Variants in FAN1 observed in about 807,000 individuals in gnomAD.
The protein encoded by FAN1 is fanconi-associated nuclease 1.
In FAN1, 91 loss-of-function variants were observed where a neutral mutation model predicts 104.9. The ratio of observed to expected loss-of-function variants is 0.87; its 90% CI spans 0.73 to 1.03. The LOEUF is 1.03. FAN1 is among the 50% of genes least tolerant of loss of function. The probability of loss-of-function intolerance (pLI) is 0.00; values close to 1 mark genes in which losing one functional copy is unlikely to be tolerated. For missense variants in FAN1, 1,263 were observed against 1,239.9 expected (o/e 1.02, Z -0.28); for synonymous variants, 478 against 457.6 (o/e 1.04, Z -0.57).
intron 7 of FAN1, 58 bp from the exon 8 acceptor site, chr15:30,922,177 T>C (rs1429022520): frequency 5.1e-6 from 8 of 1,582,292 alleles, no homozygotes; most frequent in Non-Finnish European, 6.9e-6. Context: ...CTTGTAAATA[T>C]CATTGCAGCT....
intron 13 of FAN1, among the ~76,000 whole-genome samples, chr15:30,934,886 G>A (rs8029490): frequency 0.015 from 2,289 of 152,088 alleles, 56 homozygotes; most frequent in African/African-American, 0.053. Context: ...TTACTTCTAC[G>A]TGTTATATGT....
intron 3 of FAN1, 102 bp from the exon 4 acceptor site, chr15:30,910,512 A>T: frequency 1.5e-6 from 1 of 674,672 alleles, no homozygotes; most frequent in Non-Finnish European, 2.4e-6. Flanking sequence ...CCAACTAATT[A>T]AAATTTTCTT....
chr15:30,915,791 A>G (rs563451635), intron 5 of FAN1, among the ~76,000 whole-genome samples: 2 of 152,334 alleles, frequency 1.3e-5, no homozygotes, highest in South Asian at 4.1e-4. Flanking sequence ...AGGTTTTGAT[A>G]AGAAAGAATA....
In FAN1 at chr15:30,908,727, G is replaced by T. The variant is rs1016896976; in HGVS notation, c.1375+469G>T. Among the ~76,000 whole-genome samples, 5 of 152,188 alleles carry T rather than the reference G, an allele frequency of 3.3e-5. No individual in the cohort carries two copies. In the South Asian group the frequency reaches 1.0e-3, roughly 32 times the overall value. On this transcript the variant is annotated intron_variant, in intron 3 of 14. Coordinates refer to ENST00000362065, the MANE Select transcript of FAN1 (RefSeq NM_014967.5). The stretch of plus-strand genomic sequence containing the variant: ...GTGGTGGCGCATGCCTGTAATCCCA[G>T]CTATTTGGGAGGCTGAGGCAGGAGA...
chr15:30,906,792 T>C (rs2061989932), intron 2 of FAN1, among the ~76,000 whole-genome samples: 1 of 152,236 alleles, frequency 6.6e-6, no homozygotes. Context: ...CAGCTGTGTG[T>C]AGTATCCACT....
At chr15:30,922,417 G>A in intron 8 of FAN1, 63 bp downstream of exon 8, 3 of 1,505,050 alleles carry the variant, frequency 2.0e-6, no homozygotes, top group Non-Finnish European at 2.7e-6. Context: ...TTAAAATATG[G>A]CAAACTTAAT....
intron 13 of FAN1, among the ~76,000 whole-genome samples, chr15:30,931,998 G>A (rs1013555152): frequency 6.6e-6 from 1 of 151,158 alleles, no homozygotes; most frequent in African/African-American, 2.4e-5. Flanking sequence ...AGAGGTGGGC[G>A]GATCACGAGG....
chr15:30,934,060 G>A (rs896608773), intron 13 of FAN1, among the ~76,000 whole-genome samples: 1 of 152,000 alleles, frequency 6.6e-6, no homozygotes, highest in African/African-American at 2.4e-5. Context: ...TTCTTCTTGC[G>A]TTTCTATCAC....
intron 14 of FAN1, 183 bp from the exon 15 acceptor site, chr15:30,941,383 T>G: frequency 5.8e-6 from 9 of 1,538,520 alleles, no homozygotes; most frequent in Non-Finnish European, 7.9e-6. Flanking sequence ...ATAAAGTTAT[T>G]AGAGATTCAA....
chr15:30,927,665 A>T, intron 10 of FAN1: 1 of 985,548 alleles, frequency 1.0e-6, no homozygotes, highest in Non-Finnish European at 1.2e-6. Flanking sequence ...GCATGTCAGG[A>T]TGGGGGTCTG....
At chr15:30,940,242 T>TG (rs1279677809) in intron 14 of FAN1, 2 of 984,916 alleles carry the variant, frequency 2.0e-6, no homozygotes, top group African/African-American at 3.5e-5. Flanking sequence ...ACCGCTACAG[T>TG]GGTAGGTAGG....
chr15:30,905,294 CAAAAAG>C lies in FAN1; in HGVS notation c.636_641del (p.Lys212_Glu213del). 1 of 1,613,850 alleles carries C rather than the reference CAAAAAG, an allele frequency of 6.2e-7. No homozygotes were observed. The highest frequency in any genetic ancestry group is 2.2e-5 in the East Asian group (1 of 44,878). On this transcript the variant is annotated inframe_deletion, in exon 2 of 15. Transcript: ENST00000362065. Reference sequence around the variant, plus strand: ...GGATCAAATTTTGGAGAACAGTTCTCAAAAAGAAAACGTGTTTAAATGTGATTCTCT... The same window carrying C: ...GGATCAAATTTTGGAGAACAGTTCTCAAAACGTGTTTAAATGTGATTCTCT...
intron 13 of FAN1, 151 bp from the exon 14 acceptor site, chr15:30,936,968 A>G: frequency 1.5e-6 from 1 of 648,574 alleles, no homozygotes; most frequent in East Asian, 2.7e-5. Flanking sequence ...ATTGTAAGTG[A>G]AGGACCATCC....
At chr15:30,939,874 T>A (rs1052556378) in intron 14 of FAN1, 2 of 985,332 alleles carry the variant, frequency 2.0e-6, no homozygotes, top group Non-Finnish European at 2.4e-6. Flanking sequence ...CTAGCCCTTA[T>A]TTTCTAGGCA....
Position 30,922,282 on chromosome 15 carries a change from T to C in FAN1, c.2100T>C (p.Cys700=). 1 of 1,613,956 alleles carries C rather than the reference T, an allele frequency of 6.2e-7. No homozygotes were observed. Among genetic ancestry groups the C allele is most frequent in the Non-Finnish European group, 8.5e-7 (1 of 1,179,990 alleles). ...LESLLSQRIY[C]PDSRGRWWDR... ...GCCTTTTGTCTCAGAGAATTTATTG[T>C]CCTGACAGCAGAGGCCGATGGTGGG... The change falls in exon 8 of 15, where the codon TGT becomes TGC. Residue 700 remains cysteine (C), a synonymous_variant. Coordinates refer to ENST00000362065, the MANE Select transcript of FAN1 (RefSeq NM_014967.5).
chr15:30,939,825 CTG>C (rs1214741958), intron 14 of FAN1: 9 of 985,222 alleles, frequency 9.1e-6, no homozygotes, highest in Non-Finnish European at 9.6e-6. Context: ...TAATCAAGGA[CTG>C]TAAAATGTTT....
intron 14 of FAN1, chr15:30,940,574 CTTGT>C: frequency 6.1e-6 from 6 of 985,432 alleles, no homozygotes; most frequent in African/African-American, 1.7e-5. Context: ...CCCAGCAAGC[CTTGT>C]TTGTTTTTGA....
intron 8 of FAN1, among the ~76,000 whole-genome samples, chr15:30,924,729 G>A (rs2062416454): frequency 6.6e-6 from 1 of 152,142 alleles, no homozygotes. Context: ...CTCCTGCTCT[G>A]GAGGTTCTCA....
chr15:30,930,716 C>G, intron 13 of FAN1, 45 bp downstream of exon 13: 1 of 1,604,384 alleles, frequency 6.2e-7, no homozygotes, highest in Non-Finnish European at 8.5e-7. Flanking sequence ...ACCTTATTAG[C>G]AACTGAATCA....
Sources: allele counts gnomAD v4.1 joint callset (sites outside exome capture counted in the v4.1 genomes callset), GRCh38; gene constraint gnomAD v4.1.1; transcripts MANE v1.5; gene names NCBI Gene and HGNC (gene_info 2026-07-23, HGNC 2026-07-21).